Variants in FMN1 observed in about 807,000 individuals in gnomAD.
The protein encoded by FMN1 is formin 1.
A neutral mutation model predicts 132.4 loss-of-function variants in FMN1; 110 were observed. The observed-to-expected ratio is 0.83, with a 90% confidence interval of 0.71 to 0.97. FMN1 has a LOEUF of 0.97. Ranked by LOEUF, FMN1 falls within the 50% of genes least tolerant of loss-of-function variation. The pLI is 0.00. For synonymous variants in FMN1, 722 were observed against 651.7 expected (o/e 1.11, Z -1.64); for missense variants, 1,792 against 1,705.3 (o/e 1.05, Z -0.90).
chr15:32,927,718 C>T (rs1009467188), intron 9 of FMN1, among the ~76,000 whole-genome samples: 2 of 152,192 alleles, frequency 1.3e-5, no homozygotes, highest in Non-Finnish European at 2.9e-5. Flanking sequence ...TCCCTGGTAA[C>T]ATATCACGAA....
At chr15:32,915,959 C>T (rs931010397) in intron 10 of FMN1, among the ~76,000 whole-genome samples, 1 of 152,190 alleles carries the variant, frequency 6.6e-6, no homozygotes, top group Non-Finnish European at 1.5e-5. Context: ...TTGGTCAAGT[C>T]TGGTTTCTGG....
At chr15:32,824,165 G>C (rs1301035147) in intron 17 of FMN1, among the ~76,000 whole-genome samples, 1 of 152,184 alleles carries the variant, frequency 6.6e-6, no homozygotes, top group Non-Finnish European at 1.5e-5. Flanking sequence ...AAAAATCTTT[G>C]GTCACGTTAT....
At chr15:32,805,953 G>A (rs1300846582) in intron 17 of FMN1, among the ~76,000 whole-genome samples, 2 of 152,070 alleles carry the variant, frequency 1.3e-5, no homozygotes, top group African/African-American at 4.8e-5. Flanking sequence ...TCTTTCTATA[G>A]GATTATCAAG....
intron 17 of FMN1, among the ~76,000 whole-genome samples, chr15:32,851,916 G>C (rs1289476011): frequency 6.6e-6 from 1 of 152,160 alleles, no homozygotes; most frequent in East Asian, 1.9e-4. Context: ...CTTTATAAGT[G>C]ATAAGACTCC....
chr15:33,030,261 G>A (rs1321216658), intron 6 of FMN1, among the ~76,000 whole-genome samples: 1 of 152,230 alleles, frequency 6.6e-6, no homozygotes, highest in Non-Finnish European at 1.5e-5. Context: ...AATCACCACT[G>A]GAAGTGAGGA....
At chr15:33,067,395 T>A in intron 5 of FMN1, 1 of 1,614,012 alleles carries the variant, frequency 6.2e-7, no homozygotes, top group Non-Finnish European at 8.5e-7. Context: ...TTTGGGCCAT[T>A]GGTGCTGCTT....
chr15:32,838,854 A>G (rs1178312761), intron 17 of FMN1, among the ~76,000 whole-genome samples: 2 of 152,192 alleles, frequency 1.3e-5, no homozygotes, highest in Non-Finnish European at 2.9e-5. Context: ...TGAAATCTAA[A>G]CAACATGAAG....
At chr15:32,886,813 G>A (rs1426865563) in intron 16 of FMN1, among the ~76,000 whole-genome samples, 1 of 152,086 alleles carries the variant, frequency 6.6e-6, no homozygotes, top group Non-Finnish European at 1.5e-5. Context: ...AGTGGAGAGG[G>A]ACAGACAAAA....
chr15:33,141,407 C>G (rs753793556), intron 4 of FMN1, among the ~76,000 whole-genome samples: 2 of 152,122 alleles, frequency 1.3e-5, no homozygotes, highest in Non-Finnish European at 2.9e-5. Context: ...TTTATCCTCT[C>G]CCATTACAAA....
intron 4 of FMN1, among the ~76,000 whole-genome samples, chr15:33,126,684 A>T (rs1231429674): frequency 3.8e-5 from 4 of 105,902 alleles, no homozygotes; most frequent in Non-Finnish European, 8.7e-5. Flanking sequence ...CCAACTCAGC[A>T]GACAGGAAGC....
At chr15:32,963,026 A>G (rs1022311666) in intron 9 of FMN1, among the ~76,000 whole-genome samples, 3 of 143,400 alleles carry the variant, frequency 2.1e-5, no homozygotes, top group Admixed American at 2.0e-4. Context: ...TCATGCTGCT[A>G]TAAAGACACA....
chr15:32,905,026 G>A (rs976201377), intron 12 of FMN1, among the ~76,000 whole-genome samples: 1 of 152,150 alleles, frequency 6.6e-6, no homozygotes, highest in African/African-American at 2.4e-5. Flanking sequence ...TACATTCTAG[G>A]TTCAGTAAGA....
At chr15:32,979,302 T>A (rs528115825) in intron 7 of FMN1, among the ~76,000 whole-genome samples, 2 of 152,084 alleles carry the variant, frequency 1.3e-5, no homozygotes, top group Non-Finnish European at 2.9e-5. Context: ...ACACCTGTAA[T>A]CCCAGCACTT....
chr15:32,936,026 C>T (rs1477480207), intron 9 of FMN1, among the ~76,000 whole-genome samples: 5 of 152,144 alleles, frequency 3.3e-5, no homozygotes, highest in Admixed American at 2.0e-4. Context: ...TGCTACTGAA[C>T]CCCACTAGTG....
chr15:33,127,929 A>AAAG (rs5811740), intron 4 of FMN1, among the ~76,000 whole-genome samples: 1 of 149,360 alleles, frequency 6.7e-6, no homozygotes, highest in African/African-American at 2.5e-5. Context: ...TGGAAATAGA[A>AAAG]GAAGAGGCAG....
intron 9 of FMN1, among the ~76,000 whole-genome samples, chr15:32,961,857 G>T (rs1391606765): frequency 6.6e-6 from 1 of 152,078 alleles, no homozygotes; most frequent in Non-Finnish European, 1.5e-5. Context: ...TCGTCCTCAT[G>T]GTTGTCTCTG....
intron 17 of FMN1, among the ~76,000 whole-genome samples, chr15:32,832,995 T>C (rs1194402742): frequency 6.6e-6 from 1 of 152,110 alleles, no homozygotes; most frequent in East Asian, 1.9e-4. Context: ...TTTGCCGCCA[T>C]TTTGTCCTTC....
intron 10 of FMN1, among the ~76,000 whole-genome samples, chr15:32,924,355 T>C (rs983184242): frequency 6.6e-6 from 1 of 152,242 alleles, no homozygotes; most frequent in Non-Finnish European, 1.5e-5. Context: ...GAATTTTTAA[T>C]TTTTGTAATG....
chr15:32,857,195 A>G, intron 16 of FMN1, 88 bp from the exon 17 acceptor site: 4 of 1,004,922 alleles, frequency 4.0e-6, no homozygotes, highest in Non-Finnish European at 4.7e-6. Flanking sequence ...GCACTTGGCT[A>G]TCAATTGTGC....
Sources: gnomAD v4.1 joint callset for allele counts (sites outside exome capture counted in the v4.1 genomes callset) on GRCh38, gnomAD v4.1.1 for gene constraint, MANE v1.5 for transcripts, NCBI Gene and HGNC (gene_info 2026-07-23, HGNC 2026-07-21) for gene names.